Variants in NRXN3 observed in about 807,000 individuals in gnomAD.
NRXN3 encodes the protein neurexin 3.
In NRXN3, 32 loss-of-function variants were observed where a neutral mutation model predicts 137.6. The ratio of observed to expected loss-of-function variants is 0.23; its 90% CI spans 0.18 to 0.31. The LOEUF (loss-of-function observed/expected upper bound fraction) is 0.31. NRXN3 is among the 10% of genes least tolerant of loss of function. The pLI, the probability that NRXN3 is intolerant of heterozygous loss-of-function variation, is 1.00. For synonymous variants in NRXN3, 798 were observed against 784.5 expected (o/e 1.02, Z -0.29); for missense variants, 1,574 against 2,062.5 (o/e 0.76, Z 4.59).
intron 15 of NRXN3, among the ~76,000 whole-genome samples, chr14:79,353,270 T>C (rs2093293351): frequency 6.6e-6 from 1 of 152,068 alleles, no homozygotes; most frequent in Admixed American, 6.6e-5. Context: ...CTTAAAATAA[T>C]TGGAAGTCCA....
At chr14:79,670,005 A>G (rs1271633390) in intron 17 of NRXN3, among the ~76,000 whole-genome samples, 1 of 152,000 alleles carries the variant, frequency 6.6e-6, no homozygotes, top group Non-Finnish European at 1.5e-5. Flanking sequence ...GTAGCCGCCA[A>G]CCATATGTTG....
chr14:79,335,774 T>A (rs919006867), intron 15 of NRXN3, among the ~76,000 whole-genome samples: 5 of 152,186 alleles, frequency 3.3e-5, no homozygotes, highest in Non-Finnish European at 1.5e-5. Flanking sequence ...CAGCTGCTCT[T>A]CTGCATTTAG....
At chr14:79,527,385 A>C (rs1163387291) in intron 16 of NRXN3, among the ~76,000 whole-genome samples, 1 of 151,342 alleles carries the variant, frequency 6.6e-6, no homozygotes, top group Non-Finnish European at 1.5e-5. Flanking sequence ...GGCTTTCTAG[A>C]GGATCCCAAA....
chr14:78,364,395 C>T (rs1261072916), intron 4 of NRXN3, among the ~76,000 whole-genome samples: 1 of 152,180 alleles, frequency 6.6e-6, no homozygotes, highest in Non-Finnish European at 1.5e-5. Flanking sequence ...GTCCAAAGCA[C>T]CTGCTGAACA....
chr14:79,102,808 A>G (rs1039217407), intron 15 of NRXN3, among the ~76,000 whole-genome samples: 1 of 152,184 alleles, frequency 6.6e-6, no homozygotes, highest in African/African-American at 2.4e-5. Flanking sequence ...ATTACATGGT[A>G]GGTTTGAAAA....
intron 2 of NRXN3, among the ~76,000 whole-genome samples, chr14:78,249,404 A>T (rs1297850320): frequency 1.3e-5 from 2 of 152,240 alleles, no homozygotes; most frequent in African/African-American, 2.4e-5. Context: ...CTCCATTTGC[A>T]GGCTGCTCCA....
chr14:79,366,568 C>T (rs2093901326), intron 15 of NRXN3, among the ~76,000 whole-genome samples: 1 of 152,136 alleles, frequency 6.6e-6, no homozygotes. Flanking sequence ...ACATTCCATG[C>T]ACTTCTAATT....
At chr14:78,390,953 C>T (rs990549020) in intron 4 of NRXN3, among the ~76,000 whole-genome samples, 1 of 152,126 alleles carries the variant, frequency 6.6e-6, no homozygotes, top group Non-Finnish European at 1.5e-5. Flanking sequence ...CCCCGACAGG[C>T]CCCAGTGAGT....
intron 4 of NRXN3, among the ~76,000 whole-genome samples, chr14:78,426,788 A>AT (rs2093681499): frequency 6.6e-6 from 1 of 151,976 alleles, no homozygotes; most frequent in South Asian, 2.1e-4. Context: ...GTTTTCTCAA[A>AT]TTTTTTTAGA....
At chr14:78,675,553 A>G (rs1253613722) in intron 6 of NRXN3, among the ~76,000 whole-genome samples, 1 of 152,166 alleles carries the variant, frequency 6.6e-6, no homozygotes, top group African/African-American at 2.4e-5. Context: ...CCCTAGATCA[A>G]TTTCAAAGCT....
intron 15 of NRXN3, among the ~76,000 whole-genome samples, chr14:79,419,499 G>C (rs1266872810): frequency 6.6e-6 from 1 of 152,128 alleles, no homozygotes; most frequent in Non-Finnish European, 1.5e-5. Flanking sequence ...AGTGCAAAGA[G>C]TGTGATATGG....
chr14:78,643,424 G>A (rs1363607309), intron 4 of NRXN3, among the ~76,000 whole-genome samples: 1 of 152,152 alleles, frequency 6.6e-6, no homozygotes, highest in Non-Finnish European at 1.5e-5. Flanking sequence ...GACCAACTCT[G>A]GTATGAAGTA....
At chr14:79,427,111 T>C (rs1350461668) in intron 15 of NRXN3, among the ~76,000 whole-genome samples, 1 of 152,182 alleles carries the variant, frequency 6.6e-6, no homozygotes, top group Non-Finnish European at 1.5e-5. Context: ...GAGGAAGATA[T>C]TGGCAATCCT....
intron 10 of NRXN3, among the ~76,000 whole-genome samples, chr14:78,875,110 A>C (rs1156335122): frequency 6.6e-6 from 1 of 152,192 alleles, no homozygotes; most frequent in Non-Finnish European, 1.5e-5. Context: ...TGAGAATGTT[A>C]AACCAGCTTG....
chr14:78,371,877 C>G (rs1425561570), intron 4 of NRXN3, among the ~76,000 whole-genome samples: 1 of 152,218 alleles, frequency 6.6e-6, no homozygotes, highest in Non-Finnish European at 1.5e-5. Context: ...TATGTTAACA[C>G]TTTTTATCTT....
chr14:78,815,968 T>C (rs2098931645), intron 10 of NRXN3, among the ~76,000 whole-genome samples: 2 of 152,344 alleles, frequency 1.3e-5, no homozygotes, highest in South Asian at 4.1e-4. Flanking sequence ...ATGTATTCTC[T>C]GTCAAACTAT....
chr14:78,995,206 G>A (rs948774076), intron 15 of NRXN3, among the ~76,000 whole-genome samples: 4 of 152,172 alleles, frequency 2.6e-5, no homozygotes, highest in African/African-American at 4.8e-5. Context: ...GCATCATATT[G>A]TGGAATTCAG....
intron 15 of NRXN3, among the ~76,000 whole-genome samples, chr14:79,393,685 G>A (rs1302386872): frequency 1.3e-5 from 2 of 152,028 alleles, no homozygotes; most frequent in African/African-American, 2.4e-5. Context: ...CGTGGTGGCG[G>A]GCGCCTATAG....
intron 4 of NRXN3, among the ~76,000 whole-genome samples, chr14:78,543,928 C>T (rs1311275571): frequency 6.6e-6 from 1 of 152,044 alleles, no homozygotes; most frequent in Non-Finnish European, 1.5e-5. Context: ...AGGCTCAGTG[C>T]CACTAGGGAC....
Sources: gnomAD v4.1 joint callset for allele counts (sites outside exome capture counted in the v4.1 genomes callset) on GRCh38, gnomAD v4.1.1 for gene constraint, MANE v1.5 for transcripts, NCBI Gene and HGNC (gene_info 2026-07-23, HGNC 2026-07-21) for gene names.